The following SLC6A20 variants were observed in gnomAD, a reference collection of about 807,000 sequenced individuals.
SLC6A20 encodes sodium- and chloride-dependent transporter XTRP3.
SLC6A20 carries 73 observed loss-of-function variants against 64.3 expected under a neutral mutation model. The observed-to-expected ratio is 1.14, with a 90% confidence interval of 0.94 to 1.38. The LOEUF (loss-of-function observed/expected upper bound fraction) is 1.38. SLC6A20 is among the 40% of genes most tolerant of loss of function. SLC6A20 has a pLI of 0.00. For missense variants in SLC6A20, 725 were observed against 772.8 expected, an observed-to-expected ratio of 0.94 and a Z score of 0.73; for synonymous variants, 347 against 329.6, an observed-to-expected ratio of 1.05 and a Z score of -0.57.
chr3:45,785,158 A>T (rs1182243552), intron 1 of SLC6A20, among the ~76,000 whole-genome samples: 1 of 152,214 alleles, frequency 6.6e-6, no homozygotes, highest in East Asian at 1.9e-4. Context: ...AGGGACAGAA[A>T]ACAGGTTGGT....
In SLC6A20 at chr3:45,765,506, C is replaced by T; in HGVS notation, c.1303+31G>A. On this transcript the variant is annotated intron_variant, in intron 8 of 10. Coordinates refer to ENST00000358525, the MANE Select transcript of SLC6A20 (RefSeq NM_020208.4). The surrounding 1 kb of genome is among the most constrained non-coding windows in gnomAD (Gnocchi z 4.2). ...CCCCCACGCCTTGGCCCTCCTGACC[C>T]CTGCCTCCTCCACTGGCTGGCCCCG... 3 of 1,594,822 alleles carry T rather than the reference C, an allele frequency of 1.9e-6. No individual in the cohort carries two copies. The highest frequency in any genetic ancestry group is 2.6e-6 in the Non-Finnish European group (3 of 1,171,172).
At chr3:45,779,352 C>G (rs1430468737) in intron 3 of SLC6A20, among the ~76,000 whole-genome samples, 1 of 152,212 alleles carries the variant, frequency 6.6e-6, no homozygotes, top group Non-Finnish European at 1.5e-5. Flanking sequence ...CACCAGCTCT[C>G]TGTGTGGAAT....
chr3:45,782,108 G>A lies in SLC6A20; in HGVS notation c.237C>T (p.Thr79=). The change falls in exon 2 of 11, where the codon ACC becomes ACT. Residue 79 remains threonine, a synonymous_variant. Coordinates refer to ENST00000358525, the MANE Select transcript of SLC6A20 (RefSeq NM_020208.4). The part of the protein sequence containing the change: ...MRQGSIGAWR[T]ISPYLSGVGV... ...CGACACCACTGAGGTACGGGCTGATGGTCCTCCAGGCGCCGATGCTGCCCT... is the reference window on the plus strand; with the variant it reads ...CGACACCACTGAGGTACGGGCTGATAGTCCTCCAGGCGCCGATGCTGCCCT... 1.9e-6 allele frequency: 3 copies of A among 1,612,746 alleles called. No individual in the cohort carries two copies. Among genetic ancestry groups the A allele is most frequent in the East Asian group, 2.2e-5 (1 of 44,810 alleles).
intron 9 of SLC6A20, 130 bp from the exon 10 acceptor site, chr3:45,760,152 T>C (rs1254962192): frequency 3.9e-6 from 4 of 1,012,942 alleles, no homozygotes; most frequent in Non-Finnish European, 5.7e-6. Context: ...GCTTGGCCAC[T>C]GGGCTCCTCT....
chr3:45,776,040 G>C, intron 3 of SLC6A20, 52 bp from the exon 4 acceptor site: 1 of 1,565,758 alleles, frequency 6.4e-7, no homozygotes, highest in Non-Finnish European at 8.8e-7. Context: ...GAGGACAAAG[G>C]CTGTGGCAGG....
intron 1 of SLC6A20, among the ~76,000 whole-genome samples, chr3:45,793,319 G>A (rs13064991): frequency 4.6e-5 from 7 of 151,914 alleles, no homozygotes; most frequent in Non-Finnish European, 1.0e-4. Flanking sequence ...TCCGTGCACA[G>A]GTTTATGTAA....
chr3:45,771,215 A>T lies in SLC6A20; in HGVS notation c.935+2T>A. 6.2e-7 allele frequency: 1 copy of T among 1,614,162 alleles called. No homozygotes were observed. The highest frequency in any genetic ancestry group is 8.5e-7 in the Non-Finnish European group (1 of 1,180,020). On this transcript the variant is annotated splice_donor_variant, in intron 6 of 10. Transcript: ENST00000358525. LOFTEE classifies it high-confidence loss of function. ...GGACTCGGTGGGACAGCCCAGGCTT[A>T]CTTCTTCAAGCAGTTTTCATAATTG...
chr3:45,772,971 G>T (rs1261160471), intron 4 of SLC6A20, among the ~76,000 whole-genome samples: 4 of 152,068 alleles, frequency 2.6e-5, no homozygotes, highest in Admixed American at 2.0e-4. Context: ...TTTCAAAATT[G>T]CTAAAGAAAT....
intron 4 of SLC6A20, among the ~76,000 whole-genome samples, chr3:45,774,820 T>C (rs1322054999): frequency 2.0e-5 from 3 of 152,174 alleles, no homozygotes; most frequent in African/African-American, 7.2e-5. Context: ...ACCAAGACAA[T>C]GGGAAGTCTT....
Position 45,796,531 on chromosome 3 carries a change from G to T in SLC6A20, c.-112C>A. The T allele has an allele frequency of 9.2e-7, 1 of 1,088,978 alleles. No individual in the cohort carries two copies. 67.5% of individuals were successfully genotyped at this position (1,088,978 alleles called of 1,614,324 possible). On this transcript the variant is annotated 5_prime_UTR_variant, in exon 1 of 11. Transcript: ENST00000358525. ...CGGCTCGGCTTGGGGGTGGCCCCGC[G>T]CCTCCGCCGCCGACGCAGCTAGCTG... is the stretch of plus-strand genomic sequence containing the variant.
At chr3:45,777,666 C>G (rs1012350710) in intron 3 of SLC6A20, among the ~76,000 whole-genome samples, 1 of 152,186 alleles carries the variant, frequency 6.6e-6, no homozygotes, top group Non-Finnish European at 1.5e-5. Context: ...GTGGAGGGAA[C>G]TGAGGTGCCC....
chr3:45,785,893 T>G (rs1700162348), intron 1 of SLC6A20, among the ~76,000 whole-genome samples: 1 of 152,092 alleles, frequency 6.6e-6, no homozygotes, highest in Admixed American at 6.6e-5. Flanking sequence ...TTCACCTTCC[T>G]TCTCTTGGAG....
At chr3:45,793,385 C>T (rs1417907159) in intron 1 of SLC6A20, among the ~76,000 whole-genome samples, 6 of 152,200 alleles carry the variant, frequency 3.9e-5, no homozygotes, top group African/African-American at 9.7e-5. Flanking sequence ...CTTGCATCCC[C>T]GATTTCTTCC....
intron 6 of SLC6A20, 80 bp from the exon 7 acceptor site, chr3:45,770,451 T>C (rs1699842890): frequency 1.3e-6 from 2 of 1,538,538 alleles, no homozygotes; most frequent in African/African-American, 1.4e-5. Context: ...CCTCTTCTTT[T>C]CTGATTAGGT....
Position 45,763,045 on chromosome 3 carries a change from A to C in SLC6A20, c.1331T>G (p.Ile444Ser). The C allele has an allele frequency of 6.2e-7, 1 of 1,614,096 alleles. No homozygotes were observed. Among genetic ancestry groups the C allele is most frequent in the South Asian group, 1.1e-5 (1 of 91,072 alleles). ...SGLVCLVNCA[I>S]GMVFTMEAGN... ...AGCCTCCATCGTGAACACCATGCCA[A>C]TGGCACAGTTGACAAGGCACACCAG... Residue 444 changes from isoleucine (I) to serine (S), a missense_variant, in exon 9 of 11, where the codon ATT becomes AGT. By Grantham distance (142) the Ile-to-Ser change is moderately radical. Transcript: ENST00000358525.
chr3:45,761,401 CCT>C (rs1227335618), intron 9 of SLC6A20, among the ~76,000 whole-genome samples: 3 of 152,168 alleles, frequency 2.0e-5, no homozygotes, highest in African/African-American at 7.2e-5. Context: ...TTTGTTTCTG[CCT>C]CTGTCTCCCT....
intron 7 of SLC6A20, among the ~76,000 whole-genome samples, chr3:45,769,808 G>GA (rs746067789): frequency 6.6e-6 from 1 of 151,926 alleles, no homozygotes; most frequent in African/African-American, 2.4e-5. Context: ...GGTGAGTAGG[G>GA]AAAAAAAGGG....
rs1242159647 is a variant in SLC6A20 at position 45,755,917 on chromosome 3, TG to T, written c.*3060del. ...CCATATAATTGGAAATGCTCAAAAA[TG>T]CCTTCAAATTTTTAAGTCATTTTAT... is the stretch of plus-strand genomic sequence containing the variant. On this transcript the variant is annotated 3_prime_UTR_variant, in exon 11 of 11. Transcript: ENST00000358525. The T allele has an allele frequency of 6.6e-6, 1 of 152,396 alleles. No homozygotes were observed. Among genetic ancestry groups the T allele is most frequent in the Non-Finnish European group, 1.5e-5 (1 of 68,038 alleles). The allele number at this position is 152,396 out of a possible 1,614,324, so 9.4% of individuals were successfully genotyped here.
chr3:45,785,288 C>T (rs1390272503), intron 1 of SLC6A20, among the ~76,000 whole-genome samples: 1 of 152,106 alleles, frequency 6.6e-6, no homozygotes, highest in African/African-American at 2.4e-5. Flanking sequence ...AAGTATTGAT[C>T]CTGGGTGTGT....
Sources: allele counts gnomAD v4.1 joint callset (sites outside exome capture counted in the v4.1 genomes callset), GRCh38; gene constraint gnomAD v4.1.1; non-coding constraint Gnocchi (gnomAD v3.1); transcripts MANE v1.5; gene names NCBI Gene and HGNC (gene_info 2026-07-23, HGNC 2026-07-21).